The following TNKS variants were observed in gnomAD, a reference collection of about 807,000 sequenced individuals.
The protein encoded by TNKS is tankyrase, also known as poly [ADP-ribose] polymerase tankyrase-1.
In TNKS, 72 loss-of-function variants were observed where a neutral mutation model predicts 135.8. The ratio of observed to expected loss-of-function variants is 0.53; its 90% CI spans 0.44 to 0.64. The LOEUF is 0.64. TNKS is among the 30% of genes least tolerant of loss of function. The probability of loss-of-function intolerance (pLI) is 0.00; values close to 1 mark genes in which losing one functional copy is unlikely to be tolerated. For synonymous variants in TNKS, 849 were observed against 649.3 expected, an observed-to-expected ratio of 1.31 and a Z score of -4.68; for missense variants, 1,769 against 1,674.0, an observed-to-expected ratio of 1.06 and a Z score of -0.99.
At position 9,555,960 on chromosome 8, in the gene TNKS, T is replaced by C. The variant is rs1313903313; in HGVS notation, c.21T>C (p.Ser7=). The C allele has an allele frequency of 6.2e-7, 1 of 1,612,908 alleles. No individual in the cohort carries two copies. The highest frequency in any genetic ancestry group is 1.3e-5 in the African/African-American group (1 of 74,890). ...CGAAGATGGCGGCGTCGCGTCGCTC[T>C]CAGCATCATCACCACCATCATCAAC... MAASRR[S]QHHHHHHQQQ... The change falls in exon 1 of 27, where the codon TCT becomes TCC. Residue 7 remains serine (S), a synonymous_variant. Coordinates refer to ENST00000310430, the MANE Select transcript of TNKS (RefSeq NM_003747.3).
At chr8:9,621,010 C>G (rs560427296) in intron 3 of TNKS, among the ~76,000 whole-genome samples, 1 of 152,168 alleles carries the variant, frequency 6.6e-6, no homozygotes, top group African/African-American at 2.4e-5. Context: ...AGCATATTTT[C>G]CAGGTCATAT....
chr8:9,611,942 G>C (rs1011729694), intron 2 of TNKS, among the ~76,000 whole-genome samples: 7 of 152,040 alleles, frequency 4.6e-5, no homozygotes. Context: ...TTGATTCAGA[G>C]GGTGGGAGAA....
chr8:9,720,651 GTCTTT>G lies in TNKS; in HGVS notation c.1921+111_1921+115del. 8 of 1,295,728 alleles carry G rather than the reference GTCTTT, an allele frequency of 6.2e-6. No individual in the cohort carries two copies. The South Asian group carries it at 1.3e-4, about 22-fold the overall frequency. The allele number at this position is 1,295,728 out of a possible 1,614,324, so 80.3% of individuals were successfully genotyped here. A position where few individuals can be genotyped will look rare whatever the true frequency, so the allele number is the denominator to read the frequency against. On this transcript the variant is annotated intron_variant, in intron 12 of 26. Coordinates refer to ENST00000310430, the MANE Select transcript of TNKS (RefSeq NM_003747.3). ...TTACTTTGCCTGAAGTTTTTCTCAT[GTCTTT>G]TCTTGCAATTTAGCCTGTGGACTTC...
At chr8:9,681,490 G>A (rs12543959) in intron 5 of TNKS, among the ~76,000 whole-genome samples, 95,493 of 151,788 alleles carry the variant, frequency 0.63, 30,499 homozygotes, top group Middle Eastern at 0.72. Flanking sequence ...GAGTTTTGTA[G>A]TGATTTACGT....
intron 13 of TNKS, among the ~76,000 whole-genome samples, chr8:9,730,322 TTAACTTG>T (rs1805371758): frequency 6.6e-6 from 1 of 152,144 alleles, no homozygotes; most frequent in Non-Finnish European, 1.5e-5. Context: ...AAAAACCAGT[TTAACTTG>T]TAAAGGTAAG....
rs1161516880 is a variant in TNKS, at chr8:9,596,246, G to A, written c.898+15863G>A. 4.2e-4 allele frequency among the ~76,000 whole-genome samples: 64 copies of A among 152,136 alleles called. 1 individual carries two copies. The highest frequency in any genetic ancestry group is 4.2e-3 in the Admixed American group (64 of 15,272). ...TGGGTTGTGTAACCAGGCAGATTTT[G>A]CTTTGCATCTTTATCATGTTATCTG... On this transcript the variant is annotated intron_variant, in intron 2 of 26. Transcript: ENST00000310430.
chr8:9,724,807 T>G (rs1303276153), intron 12 of TNKS, among the ~76,000 whole-genome samples: 1 of 152,232 alleles, frequency 6.6e-6, no homozygotes. Context: ...TATATTTGCT[T>G]AAGACTTTTT....
intron 2 of TNKS, among the ~76,000 whole-genome samples, chr8:9,580,773 T>G (rs900357933): frequency 6.6e-6 from 1 of 152,202 alleles, no homozygotes; most frequent in Non-Finnish European, 1.5e-5. Context: ...GAAACTCATC[T>G]AGTATAGTAG....
chr8:9,771,285 AAGGGAGGGAGGAGAG>A (rs1563225053), intron 26 of TNKS, among the ~76,000 whole-genome samples: 3 of 122,854 alleles, frequency 2.4e-5, no homozygotes, highest in African/African-American at 9.5e-5. Flanking sequence ...GAGAGCGAGG[AAGGGAGGGAGGAGAG>A]AGGAAGGAAG....
chr8:9,579,796 AT>A, intron 1 of TNKS, among the ~76,000 whole-genome samples: 1 of 152,304 alleles, frequency 6.6e-6, no homozygotes, highest in East Asian at 1.9e-4. Flanking sequence ...CCTTGTTTCT[AT>A]GAATGTAGTG....
chr8:9,726,117 G>A (rs4841206), intron 12 of TNKS, among the ~76,000 whole-genome samples: 106,585 of 152,064 alleles, frequency 0.7, 37,891 homozygotes, highest in Admixed American at 0.8. Flanking sequence ...AAGGCTGGGC[G>A]CAGTGGCTCA....
intron 17 of TNKS, among the ~76,000 whole-genome samples, chr8:9,739,051 A>G (rs1252089118): frequency 6.6e-6 from 1 of 151,178 alleles, no homozygotes; most frequent in Non-Finnish European, 1.5e-5. Context: ...AAAATTGACA[A>G]ATGGGATCTA....
intron 2 of TNKS, among the ~76,000 whole-genome samples, chr8:9,609,241 A>T (rs1172054264): frequency 6.6e-6 from 1 of 152,086 alleles, no homozygotes; most frequent in Non-Finnish European, 1.5e-5. Flanking sequence ...TGCATTTTAG[A>T]TTATTTATGT....
At chr8:9,642,065 T>C (rs1800750843) in intron 3 of TNKS, among the ~76,000 whole-genome samples, 1 of 146,278 alleles carries the variant, frequency 6.8e-6, no homozygotes, top group South Asian at 2.2e-4. Flanking sequence ...CTTAAATCTT[T>C]TAAGTTTATC....
intron 7 of TNKS, 33 bp downstream of exon 7, chr8:9,706,286 A>G: frequency 7.5e-7 from 1 of 1,325,052 alleles, no homozygotes; most frequent in Non-Finnish European, 9.8e-7. Context: ...AGCATCATTT[A>G]CTTTTTTTTT....
intron 2 of TNKS, among the ~76,000 whole-genome samples, chr8:9,604,665 C>G (rs535432619): frequency 4.2e-4 from 64 of 151,810 alleles, no homozygotes; most frequent in African/African-American, 1.4e-3. Context: ...TGAATTTATC[C>G]TGTTGGTGCT....
intron 18 of TNKS, among the ~76,000 whole-genome samples, chr8:9,750,561 G>A (rs1806466867): frequency 6.6e-6 from 1 of 151,914 alleles, no homozygotes; most frequent in Non-Finnish European, 1.5e-5. Flanking sequence ...CCTTTCTCTC[G>A]CCTTCAGTAG....
At chr8:9,726,016 C>T (rs1273250480) in intron 12 of TNKS, among the ~76,000 whole-genome samples, 1 of 152,160 alleles carries the variant, frequency 6.6e-6, no homozygotes, top group Non-Finnish European at 1.5e-5. Context: ...AAACAAATGT[C>T]TGTATTTAGT....
At chr8:9,577,779 A>G (rs1022211075) in intron 1 of TNKS, among the ~76,000 whole-genome samples, 4 of 152,162 alleles carry the variant, frequency 2.6e-5, no homozygotes, top group East Asian at 1.9e-4. Context: ...CATATTTCAA[A>G]ATACAATCAT....
Sources: gnomAD v4.1 joint callset for allele counts (sites outside exome capture counted in the v4.1 genomes callset) on GRCh38, gnomAD v4.1.1 for gene constraint, MANE v1.5 for transcripts, NCBI Gene and HGNC (gene_info 2026-07-23, HGNC 2026-07-21) for gene names.